NID2: variants seen among roughly 807,000 people sequenced by gnomAD.
The protein encoded by NID2 is nidogen 2, also known as nidogen-2.
A neutral mutation model predicts 145.4 loss-of-function variants in NID2; 83 were observed. The observed-to-expected ratio is 0.57, with a 90% CI of 0.48 to 0.69. The LOEUF is 0.69. Ranked by LOEUF, NID2 falls within the 30% of genes least tolerant of loss-of-function variation. NID2 has a pLI of 0.00. For synonymous variants in NID2, 739 were observed against 701.3 expected (o/e 1.05, Z -0.85); for missense variants, 1,807 against 1,765.7 (o/e 1.02, Z -0.42).
rs79823890 is a variant in NID2, at chr14:52,045,251, G to T, written c.1430-2320C>A. Among the ~76,000 whole-genome samples the T allele has an allele frequency of 4.2e-3, 646 of 152,274 alleles. 27 individuals carry two copies. In the East Asian group the frequency reaches 0.11, roughly 26 times the overall value. Reference sequence around the variant, plus strand: ...TACAGCATGTTGAAAAACAGCACAGGTAAGAAATGAGAGTAGCAGCAGCGG... The same window carrying T: ...TACAGCATGTTGAAAAACAGCACAGTTAAGAAATGAGAGTAGCAGCAGCGG... On this transcript the variant is annotated intron_variant, in intron 5 of 21. Coordinates refer to ENST00000216286, the MANE Select transcript of NID2 (RefSeq NM_007361.4).
intron 5 of NID2, among the ~76,000 whole-genome samples, chr14:52,049,662 T>C (rs1892623108): frequency 6.6e-6 from 1 of 151,854 alleles, no homozygotes; most frequent in African/African-American, 2.4e-5. Flanking sequence ...AGAAAAACCA[T>C]ATCCAACTTT....
chr14:52,027,266 T>G lies in NID2; in HGVS notation c.2609A>C (p.His870Pro), dbSNP rs61971557. The G allele has an allele frequency of 2.5e-6, 4 of 1,598,076 alleles. No homozygotes were observed. The East Asian group carries it at 9.3e-5, about 37-fold the overall frequency. The stretch of plus-strand genomic sequence containing the variant: ...GGCACAGCTGAACGTGCTGCCTCCA[T>G]GGTGAACACACCGGGCCTGCCCAGC... Reference protein sequence around the residue: ...APAGQARCVHHGGSTFSCACL... With the variant: ...APAGQARCVHPGGSTFSCACL... Residue 870 changes from histidine (H) to proline (P), a missense_variant, in exon 12 of 22, where the codon CAT becomes CCT. By Grantham distance (77) the His-to-Pro change is moderately conservative (BLOSUM62 -2). Transcript: ENST00000216286.
chr14:52,051,179 G>C (rs1189301106), intron 5 of NID2, among the ~76,000 whole-genome samples: 1 of 92,822 alleles, frequency 1.1e-5, no homozygotes, highest in Non-Finnish European at 2.8e-5. Context: ...TGTAAAATGA[G>C]TCCCTAAGGG....
In NID2 at chr14:52,060,378, A is replaced by AAG. The variant is rs749643395; in HGVS notation, c.535-24_535-23dup. 3,145 of 804,636 alleles carry AAG rather than the reference A, an allele frequency of 3.9e-3. 26 individuals carry two copies. Among genetic ancestry groups the AAG allele is most frequent in the East Asian group, 0.025 (604 of 23,940 alleles). 49.8% of individuals were successfully genotyped at this position (804,636 alleles called of 1,614,324 possible). On this transcript the variant is annotated intron_variant, in intron 2 of 21. Coordinates refer to ENST00000216286, the MANE Select transcript of NID2 (RefSeq NM_007361.4). The stretch of plus-strand genomic sequence containing the variant: ...TCAGCTGTGAGGAAAAAAAAAAAAA[A>AAG]AGAGAGAGAGAGAGAGAGAAACATC...
At chr14:52,023,859 TAACA>T (rs1891485993) in intron 12 of NID2, among the ~76,000 whole-genome samples, 1 of 152,196 alleles carries the variant, frequency 6.6e-6, no homozygotes, top group East Asian at 1.9e-4. Context: ...CCGGTTTTTT[TAACA>T]AACTATGGCT....
At chr14:52,014,247 G>A (rs35387228) in intron 16 of NID2, 40 bp downstream of exon 16, 110,048 of 1,613,548 alleles carry the variant, frequency 0.068, 4,297 homozygotes, top group Middle Eastern at 0.12. Flanking sequence ...CACTGGGAAA[G>A]CCACGCAGCC....
intron 10 of NID2, 83 bp downstream of exon 10, chr14:52,029,464 C>T: frequency 7.5e-7 from 1 of 1,341,492 alleles, no homozygotes; most frequent in Non-Finnish European, 1.0e-6. Context: ...GTGACAGATA[C>T]TTGTCTTCTA....
At chr14:52,062,473 T>C (rs1187680226) in intron 2 of NID2, among the ~76,000 whole-genome samples, 1 of 152,216 alleles carries the variant, frequency 6.6e-6, no homozygotes, top group Non-Finnish European at 1.5e-5. Flanking sequence ...ATCCATAAGA[T>C]AGTCGACATC....
intron 5 of NID2, among the ~76,000 whole-genome samples, chr14:52,046,000 A>G (rs771193684): frequency 6.6e-5 from 10 of 152,202 alleles, no homozygotes; most frequent in Non-Finnish European, 1.3e-4. Flanking sequence ...CTGAACACCA[A>G]GTAAAAAGGC....
Position 52,060,216 on chromosome 14 carries a change from C to G in NID2, c.675G>C (p.Val225=). 6.2e-7 allele frequency: 1 copy of G among 1,614,048 alleles called. No individual in the cohort carries two copies. Among genetic ancestry groups the G allele is most frequent in the South Asian group, 1.1e-5 (1 of 91,070 alleles). ...YNVQLQLPAR[V]GFCRGEADDL... ...CATCAGCCTCCCCTCGGCAGAAGCC[C>G]ACCCGAGCTGGAAGCTGAAGCTGGA... The change falls in exon 3 of 22, where the codon GTG becomes GTC. Residue 225 remains valine (V), a synonymous_variant. Coordinates refer to ENST00000216286, the MANE Select transcript of NID2 (RefSeq NM_007361.4).
chr14:52,065,181 A>C (rs1264129875), intron 2 of NID2, among the ~76,000 whole-genome samples: 2 of 152,196 alleles, frequency 1.3e-5, no homozygotes, highest in East Asian at 3.8e-4. Context: ...ATGGAGAAAA[A>C]GGGCACCAAC....
intron 7 of NID2, among the ~76,000 whole-genome samples, chr14:52,041,592 C>T (rs897214615): frequency 1.1e-4 from 17 of 152,208 alleles, no homozygotes; most frequent in East Asian, 3.9e-4. Flanking sequence ...AGCAAAATCA[C>T]GGACCCCACC....
intron 9 of NID2, among the ~76,000 whole-genome samples, chr14:52,033,180 G>A (rs567397183): frequency 6.2e-4 from 94 of 152,038 alleles, no homozygotes; most frequent in Non-Finnish European, 6.5e-4. Context: ...TTTCTATTTC[G>A]CCCTCACCCT....
Position 52,015,093 on chromosome 14 carries a change from CCT to C in NID2, c.3209_3210del (p.Glu1070GlyfsTer64), listed in dbSNP as rs1891170113. On this transcript the variant is annotated frameshift_variant, in exon 15 of 22. Coordinates refer to ENST00000216286, the MANE Select transcript of NID2 (RefSeq NM_007361.4). LOFTEE classifies it high-confidence loss of function. ...FCWCVDKDGR[E>X]VQGTRSQPGT... ...CCTGGCTGGGAGCGGGTGCCCTGCA[CCT>C]CTCTGCCATCTTTGTCCACACACCA... 6.2e-7 allele frequency: 1 copy of C among 1,613,940 alleles called. No individual in the cohort carries two copies. The highest frequency in any genetic ancestry group is 1.1e-5 in the South Asian group (1 of 91,086).
At chr14:52,068,507 G>C (rs1379766222) in intron 1 of NID2, among the ~76,000 whole-genome samples, 4 of 152,214 alleles carry the variant, frequency 2.6e-5, no homozygotes, top group African/African-American at 9.6e-5. Flanking sequence ...AAGCCCGCTG[G>C]CCGCCCTAGC....
At chr14:52,046,490 G>A (rs1323378737) in intron 5 of NID2, among the ~76,000 whole-genome samples, 1 of 152,116 alleles carries the variant, frequency 6.6e-6, no homozygotes, top group African/African-American at 2.4e-5. Context: ...TTCTGAGGCT[G>A]AATTATGAAA....
chr14:52,026,891 G>A (rs1891604524), intron 12 of NID2, among the ~76,000 whole-genome samples: 1 of 152,202 alleles, frequency 6.6e-6, no homozygotes, highest in Non-Finnish European at 1.5e-5. Flanking sequence ...CCGCCTAACA[G>A]GAAGGTATGC....
In NID2 at chr14:52,053,564, T is replaced by G. The variant is rs762139790; in HGVS notation, c.1429+15A>C. Reference sequence around the variant, plus strand: ...TAAGATGAAACCTTAGCACCCAGTTTTCTAATGCACTCACCCTCGGTGTTG... The same window carrying G: ...TAAGATGAAACCTTAGCACCCAGTTGTCTAATGCACTCACCCTCGGTGTTG... On this transcript the variant is annotated intron_variant, in intron 5 of 21. Coordinates refer to ENST00000216286, the MANE Select transcript of NID2 (RefSeq NM_007361.4). The G allele has an allele frequency of 2.5e-6, 4 of 1,599,660 alleles. No homozygotes were observed. Among genetic ancestry groups the G allele is most frequent in the Non-Finnish European group, 3.4e-6 (4 of 1,171,282 alleles).
intron 2 of NID2, among the ~76,000 whole-genome samples, chr14:52,063,918 C>T (rs1893103272): frequency 6.6e-6 from 1 of 152,212 alleles, no homozygotes. Context: ...ATCCCTAATA[C>T]TATATCCTTC....
Sources: gnomAD v4.1 joint callset for allele counts (sites outside exome capture counted in the v4.1 genomes callset) on GRCh38, gnomAD v4.1.1 for gene constraint, MANE v1.5 for transcripts, NCBI Gene and HGNC (gene_info 2026-07-23, HGNC 2026-07-21) for gene names.